HMGCS1: variants seen among roughly 807,000 people sequenced by gnomAD.
The protein encoded by HMGCS1 is 3-hydroxy-3-methylglutaryl-CoA synthase 1.
In HMGCS1, 9 loss-of-function variants were observed where a neutral mutation model predicts 52.3. The observed-to-expected ratio is 0.17, with a 90% CI of 0.10 to 0.30. The LOEUF (loss-of-function observed/expected upper bound fraction) is 0.30, where lower values mean the gene tolerates loss of function less well. HMGCS1 is among the 10% of genes least tolerant of loss of function. HMGCS1 has a pLI of 1.00. For missense variants in HMGCS1, 320 were observed against 620.9 expected (o/e 0.52, Z 5.15); for synonymous variants, 176 against 214.4 (o/e 0.82, Z 1.57).
intron 1 of HMGCS1, among the ~76,000 whole-genome samples, chr5:43,308,774 A>C (rs926924950): frequency 1.3e-5 from 2 of 152,156 alleles, no homozygotes; most frequent in Non-Finnish European, 2.9e-5. Context: ...ACTGGTAACT[A>C]CATTCGGATG....
At chr5:43,304,998 T>TC (rs1275819843) in intron 2 of HMGCS1, among the ~76,000 whole-genome samples, 2 of 151,908 alleles carry the variant, frequency 1.3e-5, no homozygotes, top group Admixed American at 1.3e-4. Context: ...TGTTACTTTT[T>TC]TTTTTGAGAC....
chr5:43,295,787 A>T lies in HMGCS1; in HGVS notation c.870T>A (p.Asp290Glu). 6.2e-7 allele frequency: 1 copy of T among 1,613,188 alleles called. No homozygotes were observed. Among genetic ancestry groups the T allele is most frequent in the Non-Finnish European group, 8.5e-7 (1 of 1,179,442 alleles). The change falls in exon 6 of 11, where the codon GAT becomes GAA. Residue 290 changes from aspartate to glutamate, a missense_variant. Physicochemically the swap from Asp to Glu is conservative, Grantham distance 45. Around this residue, in one of 3 missense-constraint regions of HMGCS1, gnomAD observed 213 missense variants for 337.4 expected, o/e 0.63. Transcript: ENST00000325110. ...LNDFLNDQNR[D>E]KNSIYSGLEA... ...CCAGGCCACTATAGATACTATTTTT[A>T]TCTCTATTCTGGTCATTAAGGAAGT...
chr5:43,305,745 G>A lies in HMGCS1; in HGVS notation c.-11+2021C>T, dbSNP rs553158765. Among the ~76,000 whole-genome samples the A allele has an allele frequency of 2.9e-5, 4 of 139,154 alleles. No individual in the cohort carries two copies. In the East Asian group the frequency reaches 6.4e-4, roughly 22 times the overall value. 91.3% of individuals were successfully genotyped at this position (139,154 alleles called of 152,430 possible). A position where few individuals can be genotyped will look rare whatever the true frequency, so the allele number is the denominator to read the frequency against. ...AGATCTGAGCCAAGATCGTGCCACT[G>A]CACTCCAGCCTGGGTCACAGAGTGA... is the stretch of plus-strand genomic sequence containing the variant. On this transcript the variant is annotated intron_variant, in intron 2 of 10. Coordinates refer to ENST00000325110, the MANE Select transcript of HMGCS1 (RefSeq NM_001098272.3).
chr5:43,298,986 G>C lies in HMGCS1; in HGVS notation c.-10-11C>G. On this transcript the variant is annotated splice_polypyrimidine_tract_variant and intron_variant, in intron 2 of 10. Transcript: ENST00000325110. The surrounding 1 kb of genome is among the most constrained non-coding windows in gnomAD (Gnocchi z 5.6). ...GGCATGGTGAAAGAGCTTTAGAAAG[G>C]AGAAACAGAAAAAAAATTGTTTTAG... 2 of 1,560,884 alleles carry C rather than the reference G, an allele frequency of 1.3e-6. No homozygotes were observed. The highest frequency in any genetic ancestry group is 8.6e-7 in the Non-Finnish European group (1 of 1,158,088).
Position 43,298,492 on chromosome 5 carries a change from C to T in HMGCS1, c.448+26G>A, listed in dbSNP as rs374477412. 261 of 1,570,852 alleles carry T rather than the reference C, an allele frequency of 1.7e-4. 1 individual carries two copies. The highest frequency in any genetic ancestry group is 1.5e-3 in the Admixed American group (80 of 54,834). On this transcript the variant is annotated intron_variant, in intron 3 of 10. Coordinates refer to ENST00000325110, the MANE Select transcript of HMGCS1 (RefSeq NM_001098272.3). This position sits in a 1 kb window ranked among gnomAD's most constrained non-coding sequence, Gnocchi z 5.6. ...AACCTTAGAAAAAAATTTTGGGGGA[C>T]GGCGGGGAATAGGCATGTAACATAC...
At chr5:43,291,928 A>G (rs899626004) in intron 10 of HMGCS1, among the ~76,000 whole-genome samples, 6 of 151,030 alleles carry the variant, frequency 4.0e-5, no homozygotes, top group Non-Finnish European at 7.4e-5. Flanking sequence ...CCTTCTCTCT[A>G]TATCAGTCTT....
In HMGCS1 at chr5:43,313,350, A is replaced by T. The variant is rs1265131718; in HGVS notation, c.-70+6T>A. The T allele has an allele frequency of 6.6e-6, 1 of 152,480 alleles. No homozygotes were observed. The highest frequency in any genetic ancestry group is 1.5e-5 in the Non-Finnish European group (1 of 68,316). The allele number at this position is 152,480 out of a possible 1,614,324, so 9.4% of individuals were successfully genotyped here. On this transcript the variant is annotated splice_donor_region_variant and intron_variant, in intron 1 of 10. Transcript: ENST00000325110. ...CCAGTTCTACTCCCCAGCGCGGGAC[A>T]CTCACCAAGCGTGACCGAGCGGCAG...
chr5:43,297,924 A>T, intron 4 of HMGCS1, 85 bp downstream of exon 4: 1 of 1,179,128 alleles, frequency 8.5e-7, no homozygotes, highest in Non-Finnish European at 1.2e-6. Flanking sequence ...AATGACCATT[A>T]AGTAAGCGAC....
chr5:43,310,828 G>T (rs779737506), intron 1 of HMGCS1, among the ~76,000 whole-genome samples: 1 of 152,118 alleles, frequency 6.6e-6, no homozygotes, highest in Non-Finnish European at 1.5e-5. Flanking sequence ...GGTGAAAAAT[G>T]TAAGAAGCCC....
At chr5:43,311,170 C>T (rs1396347499) in intron 1 of HMGCS1, among the ~76,000 whole-genome samples, 1 of 151,808 alleles carries the variant, frequency 6.6e-6, no homozygotes, top group Non-Finnish European at 1.5e-5. Flanking sequence ...TCTAAAAATA[C>T]AAAAAAATTA....
intron 2 of HMGCS1, among the ~76,000 whole-genome samples, chr5:43,299,690 A>G (rs1347309543): frequency 6.6e-6 from 1 of 151,744 alleles, no homozygotes; most frequent in Admixed American, 6.6e-5. Flanking sequence ...TCAATCAATC[A>G]ATCAATCAAT....
chr5:43,302,966 T>A (rs1190159047), intron 2 of HMGCS1, among the ~76,000 whole-genome samples: 1 of 152,238 alleles, frequency 6.6e-6, no homozygotes, highest in Non-Finnish European at 1.5e-5. Context: ...CAATTCCTTA[T>A]GTGTTTTTTC....
At position 43,291,468 on chromosome 5, in the gene HMGCS1, C is replaced by T. The variant is rs1030164571; in HGVS notation, c.1474-248G>A. Among the ~76,000 whole-genome samples the T allele has an allele frequency of 2.0e-5, 3 of 152,136 alleles. No homozygotes were observed. In the East Asian group the frequency reaches 5.8e-4, roughly 29 times the overall value. ...CCTGCCACAGAGACCCACCACGTAA[C>T]AGTATTTTACTTGTTACGTCTTGTA... On this transcript the variant is annotated intron_variant, in intron 10 of 10. Transcript: ENST00000325110.
chr5:43,291,251 T>TTA (rs1215265405), intron 10 of HMGCS1, 31 bp from the exon 11 acceptor site: 1 of 1,283,178 alleles, frequency 7.8e-7, no homozygotes, highest in East Asian at 2.3e-5. Context: ...TTGATGGCTC[T>TTA]TATGATTCTT....
chr5:43,290,978 A>T lies in HMGCS1; in HGVS notation c.*153T>A, dbSNP rs1270612281. The T allele has an allele frequency of 1.7e-6, 1 of 589,602 alleles. No homozygotes were observed. Among genetic ancestry groups the T allele is most frequent in the Non-Finnish European group, 3.1e-6 (1 of 327,076 alleles). 36.5% of individuals were successfully genotyped at this position (589,602 alleles called of 1,614,324 possible). A position where few individuals can be genotyped will look rare whatever the true frequency, so the allele number is the denominator to read the frequency against. On this transcript the variant is annotated 3_prime_UTR_variant, in exon 11 of 11. Coordinates refer to ENST00000325110, the MANE Select transcript of HMGCS1 (RefSeq NM_001098272.3). The stretch of plus-strand genomic sequence containing the variant: ...AGAGCAAAGAGACTTTCCCAAGTAC[A>T]CGATAGTCATCCAGGCTCCATGTCA...
chr5:43,310,462 G>A (rs1262969241), intron 1 of HMGCS1, among the ~76,000 whole-genome samples: 1 of 152,202 alleles, frequency 6.6e-6, no homozygotes, highest in South Asian at 2.1e-4. Flanking sequence ...TTGGGAGAGG[G>A]GCTATATATT....
intron 2 of HMGCS1, among the ~76,000 whole-genome samples, chr5:43,305,965 T>A (rs1224489067): frequency 1.3e-5 from 2 of 152,124 alleles, no homozygotes; most frequent in Non-Finnish European, 2.9e-5. Flanking sequence ...AAGAGAATAA[T>A]GAGGACTCTG....
At chr5:43,292,728 A>G (rs748405764) in intron 9 of HMGCS1, 91 bp from the exon 10 acceptor site, 52 of 1,495,460 alleles carry the variant, frequency 3.5e-5, no homozygotes, top group Non-Finnish European at 4.5e-5. Context: ...TATCCCAATA[A>G]TTTTCACTGA....
At chr5:43,303,192 C>A (rs990710825) in intron 2 of HMGCS1, among the ~76,000 whole-genome samples, 1 of 152,212 alleles carries the variant, frequency 6.6e-6, no homozygotes, top group Non-Finnish European at 1.5e-5. Flanking sequence ...TCCCAAATAT[C>A]TGCCTGAATT....
Sources: allele counts gnomAD v4.1 joint callset (sites outside exome capture counted in the v4.1 genomes callset), GRCh38; gene constraint gnomAD v4.1.1; regional missense constraint gnomAD v4.1.1; non-coding constraint Gnocchi (gnomAD v3.1); transcripts MANE v1.5; gene names NCBI Gene and HGNC (gene_info 2026-07-23, HGNC 2026-07-21).